The following GGA2 variants were observed in gnomAD, a reference collection of about 807,000 sequenced individuals.
GGA2 encodes the protein golgi associated, gamma adaptin ear containing, ARF binding protein 2, also known as ADP-ribosylation factor-binding protein GGA2.
GGA2 carries 48 observed loss-of-function variants against 79.5 expected under a neutral mutation model. The ratio of observed to expected loss-of-function variants is 0.60; its 90% confidence interval spans 0.48 to 0.77. The LOEUF (loss-of-function observed/expected upper bound fraction) is 0.77, where lower values mean the gene tolerates loss of function less well. GGA2 is among the 30% of genes least tolerant of loss of function. The probability of loss-of-function intolerance (pLI) is 0.00; values close to 1 mark genes in which losing one functional copy is unlikely to be tolerated. For missense variants in GGA2, 770 were observed against 774.0 expected (o/e 0.99, Z 0.06); for synonymous variants, 317 against 302.0 (o/e 1.05, Z -0.51).
chr16:23,509,946 A>T (rs1468482492), intron 1 of GGA2, among the ~76,000 whole-genome samples: 1 of 151,938 alleles, frequency 6.6e-6, no homozygotes, highest in Non-Finnish European at 1.5e-5. Flanking sequence ...AGTGGGGTTA[A>T]TAATAGAAGC....
upstream of GGA2, among the ~76,000 whole-genome samples, chr16:23,512,395 G>A (rs1203538847): frequency 6.6e-6 from 1 of 152,170 alleles, no homozygotes; most frequent in Non-Finnish European, 1.5e-5. Flanking sequence ...TGAACCTCTG[G>A]GCTGGCCACT....
intron 8 of GGA2, 109 bp from the exon 9 acceptor site, chr16:23,483,113 G>C: frequency 1.4e-6 from 1 of 713,262 alleles, no homozygotes; most frequent in African/African-American, 1.7e-5. Context: ...TGGGGCTTCA[G>C]AAGGCCTCCC....
chr16:23,521,687 G>A (rs11074565), intron 1 of GGA2: 344,142 of 454,022 alleles, frequency 0.76, 132,300 homozygotes, highest in Non-Finnish European at 0.81. Flanking sequence ...TTGTCCTTTT[G>A]TGACTGACAT....
chr16:23,478,919 A>G lies in GGA2; in HGVS notation c.1130-8T>C. ...CAGGAGCATCACTGATTCCTGTAAG[A>G]AAGGAGTAGAGTGAGATGCCTAACA... On this transcript the variant is annotated splice_region_variant and splice_polypyrimidine_tract_variant and intron_variant, in intron 11 of 16. Transcript: ENST00000309859. 1 of 1,594,506 alleles carries G rather than the reference A, an allele frequency of 6.3e-7. No individual in the cohort carries two copies. The highest frequency in any genetic ancestry group is 8.6e-7 in the Non-Finnish European group (1 of 1,162,418).
At chr16:23,483,207 C>T (rs868153721) in intron 8 of GGA2, among the ~76,000 whole-genome samples, 2 of 152,124 alleles carry the variant, frequency 1.3e-5, no homozygotes, top group Non-Finnish European at 2.9e-5. Flanking sequence ...TGTATGATTT[C>T]TGAAAATAAA....
chr16:23,492,843 G>A (rs111787525), intron 4 of GGA2, among the ~76,000 whole-genome samples: 1,649 of 152,302 alleles, frequency 0.011, 28 homozygotes, highest in African/African-American at 0.038. Flanking sequence ...GCAGCACTGA[G>A]CCCTCACTGC....
chr16:23,482,501 C>T (rs1964660738), intron 9 of GGA2, among the ~76,000 whole-genome samples: 1 of 152,176 alleles, frequency 6.6e-6, no homozygotes, highest in African/African-American at 2.4e-5. Flanking sequence ...TTCTCCACTT[C>T]CTTACAGATG....
At chr16:23,510,567 C>T (rs1965034183), upstream of GGA2, 1 of 387,316 alleles carries the variant, frequency 2.6e-6, no homozygotes, top group Non-Finnish European at 4.6e-6. Context: ...CCCCTCCACG[C>T]GGGACCGGCC....
Position 23,493,451 on chromosome 16 carries a change from T to C in GGA2, c.260A>G (p.Glu87Gly), listed in dbSNP as rs145830611. 59 of 1,606,484 alleles carry C rather than the reference T, an allele frequency of 3.7e-5. No individual in the cohort carries two copies. Among genetic ancestry groups the C allele is most frequent in the Non-Finnish European group, 4.8e-5 (56 of 1,173,212 alleles). Residue 87 changes from glutamate (E) to glycine (G), a missense_variant, in exon 4 of 17, where the codon GAG becomes GGG. Coordinates refer to ENST00000309859, the MANE Select transcript of GGA2 (RefSeq NM_015044.4). ...KEALYALTVL[E>G]MCMNHCGEKF... ...CTCCCCACAGTGGTTCATGCACATC[T>C]CCAGCACCTGCACAGACACAGGACC...
At chr16:23,484,027 G>T (rs1964682051) in intron 8 of GGA2, among the ~76,000 whole-genome samples, 1 of 146,968 alleles carries the variant, frequency 6.8e-6, no homozygotes, top group African/African-American at 2.5e-5. Flanking sequence ...GGTGGCTCAT[G>T]CCTGTAATCC....
At chr16:23,490,413 T>C (rs1964767338) in intron 5 of GGA2, among the ~76,000 whole-genome samples, 2 of 152,184 alleles carry the variant, frequency 1.3e-5, no homozygotes, top group African/African-American at 4.8e-5. Context: ...TGTACTCCAA[T>C]AAATGTGTAT....
At chr16:23,468,465 T>G (rs1567357132) in intron 16 of GGA2, among the ~76,000 whole-genome samples, 1 of 150,178 alleles carries the variant, frequency 6.7e-6, no homozygotes, top group African/African-American at 2.5e-5. Context: ...CGTGAGCCAC[T>G]GCACCTGGCC....
chr16:23,517,864 G>A (rs1303089965), intron 2 of GGA2, among the ~76,000 whole-genome samples: 1 of 152,070 alleles, frequency 6.6e-6, no homozygotes, highest in Non-Finnish European at 1.5e-5. Context: ...CTCCCAAAAT[G>A]CTGGGATTAC....
rs189625763 is a variant in GGA2 at position 23,480,283 on chromosome 16, C to T, written c.1006+362G>A. 28 of 303,718 alleles carry T rather than the reference C, an allele frequency of 9.2e-5. No homozygotes were observed. In the East Asian group the frequency reaches 2.0e-3, roughly 21 times the overall value. 18.8% of individuals were successfully genotyped at this position (303,718 alleles called of 1,614,324 possible). On this transcript the variant is annotated intron_variant, in intron 10 of 16. Coordinates refer to ENST00000309859, the MANE Select transcript of GGA2 (RefSeq NM_015044.4). Reference sequence around the variant, plus strand: ...GATTCAGAAGGTCCAAGCCAGGGACCGCATTTCAACCAGTGCTCCAGGTGA... The same window carrying T: ...GATTCAGAAGGTCCAAGCCAGGGACTGCATTTCAACCAGTGCTCCAGGTGA...
intron 9 of GGA2, 109 bp downstream of exon 9, chr16:23,482,814 C>T (rs1964663966): frequency 6.7e-6 from 5 of 743,702 alleles, no homozygotes; most frequent in East Asian, 2.6e-5. Context: ...CCAAGCTCCA[C>T]GGAACCGAAA....
In GGA2 at chr16:23,476,373, A is replaced by C. The variant is rs1332868578; in HGVS notation, c.1293-1312T>G. 5.3e-5 allele frequency among the ~76,000 whole-genome samples: 8 copies of C among 152,162 alleles called. No individual in the cohort carries two copies. In the East Asian group the frequency reaches 7.7e-4, roughly 15 times the overall value. ...GGCTGTTTGGGTGAAGGTAAGCTGC[A>C]CTTTTCCAGAGGCAAAGGGACAGGA... On this transcript the variant is annotated intron_variant, in intron 13 of 16. Transcript: ENST00000309859.
chr16:23,468,825 T>C, intron 16 of GGA2, 61 bp downstream of exon 16: 1 of 923,256 alleles, frequency 1.1e-6, no homozygotes. Context: ...ACCCACAAAG[T>C]TACCTCCCCT....
Position 23,470,099 on chromosome 16 carries a change from G to T in GGA2, c.1517C>A (p.Thr506Lys). The T allele has an allele frequency of 6.2e-7, 1 of 1,610,216 alleles. No homozygotes were observed. Among genetic ancestry groups the T allele is most frequent in the Non-Finnish European group, 8.5e-7 (1 of 1,178,124 alleles). The change falls in exon 15 of 17, where the codon ACG becomes AAG. Residue 506 changes from threonine to lysine, a missense_variant. Transcript: ENST00000309859. ...TACCTCTGGGTGCCCAGGGGCTCCC[G>T]TCTGGGAGAAGTGGAGCAGAATTCT... ...GFRILLHFSQTGAPGHPEVQV... is the reference protein window; with the variant it reads ...GFRILLHFSQKGAPGHPEVQV...
At chr16:23,506,472 G>C (rs567301788) in intron 1 of GGA2, among the ~76,000 whole-genome samples, 2 of 152,288 alleles carry the variant, frequency 1.3e-5, no homozygotes, top group East Asian at 3.9e-4. Flanking sequence ...AGATGGGTAG[G>C]AGTGATCCCA....
Sources: allele counts gnomAD v4.1 joint callset (sites outside exome capture counted in the v4.1 genomes callset), GRCh38; gene constraint gnomAD v4.1.1; transcripts MANE v1.5; gene names NCBI Gene and HGNC (gene_info 2026-07-23, HGNC 2026-07-21).